Variants in IFT172 observed in about 807,000 individuals in gnomAD.
IFT172 encodes intraflagellar transport protein 172 homolog.
A neutral mutation model predicts 248.9 loss-of-function variants in IFT172; 164 were observed. The observed-to-expected ratio is 0.66, with a 90% CI of 0.58 to 0.75. The LOEUF is 0.75. Ranked by LOEUF, IFT172 falls within the 30% of genes least tolerant of loss-of-function variation. IFT172 has a pLI of 0.00. For missense variants in IFT172, 1,950 were observed against 2,192.4 expected (o/e 0.89, Z 2.21); for synonymous variants, 729 against 791.6 (o/e 0.92, Z 1.33).
Position 27,453,469 on chromosome 2 carries a change from G to T in IFT172, c.3866C>A (p.Ala1289Asp), listed in dbSNP as rs768543764. 3 of 1,614,162 alleles carry T rather than the reference G, an allele frequency of 1.9e-6. No individual in the cohort carries two copies. Among genetic ancestry groups the T allele is most frequent in the Non-Finnish European group, 8.5e-7 (1 of 1,180,024 alleles). The stretch of plus-strand genomic sequence containing the variant: ...GTCCACGGCACGGCTGTACTCTCCA[G>T]CCTGCTCCCAGTGTCGAGCTTGTTC... ...FVEQARHWEQAGEYSRAVDCY... is the reference protein window; with the variant it reads ...FVEQARHWEQDGEYSRAVDCY... Residue 1289 changes from alanine to aspartate, a missense_variant, in exon 35 of 48, where the codon GCT becomes GAT. Physicochemically the swap from Ala to Asp is moderately radical, Grantham distance 126 (BLOSUM62 -2). This residue lies in a region of IFT172 where 620 missense variants were observed against 699.0 expected (regional missense o/e 0.89). Transcript: ENST00000260570.
At chr2:27,446,670 T>C (rs1273460661) in intron 42 of IFT172, among the ~76,000 whole-genome samples, 1 of 144,642 alleles carries the variant, frequency 6.9e-6, no homozygotes, top group African/African-American at 2.6e-5. Context: ...CACATTACCA[T>C]GCCTGGCTAA....
At position 27,465,849 on chromosome 2, in the gene IFT172, T is replaced by C; in HGVS notation, c.1726A>G (p.Lys576Glu). The change falls in exon 17 of 48, where the codon AAG becomes GAG. Residue 576 changes from lysine (K) to glutamate (E), a missense_variant. Physicochemically the swap from Lys to Glu is moderately conservative, Grantham distance 56. Coordinates refer to ENST00000260570, the MANE Select transcript of IFT172 (RefSeq NM_015662.3). ...DVIGLERGGG[K>E]TEVMVMEGVT... ...CCTTCCATCACCATCACCTCGGTCT[T>C]TCCCCCGCCCCGCTCCAGACCTATA... 1 of 1,614,070 alleles carries C rather than the reference T, an allele frequency of 6.2e-7. No individual in the cohort carries two copies. The highest frequency in any genetic ancestry group is 8.5e-7 in the Non-Finnish European group (1 of 1,179,996).
chr2:27,489,584 A>G (rs1669018510), intron 1 of IFT172, 31 bp downstream of exon 1: 1 of 1,575,912 alleles, frequency 6.3e-7, no homozygotes, highest in Non-Finnish European at 8.7e-7. Flanking sequence ...CATAAAGCAT[A>G]AGGGGGAGGG....
At chr2:27,455,622 A>C in intron 30 of IFT172, 1 of 215,322 alleles carries the variant, frequency 4.6e-6, no homozygotes, top group South Asian at 5.9e-5. Context: ...GAGGCAGGAG[A>C]ATGGCTTGAA....
Position 27,449,791 on chromosome 2 carries a change from G to A in IFT172, c.4060C>T (p.Leu1354Phe). 2 of 1,612,016 alleles carry A rather than the reference G, an allele frequency of 1.2e-6. No homozygotes were observed. The highest frequency in any genetic ancestry group is 2.2e-5 in the East Asian group (1 of 44,874). ...GIGKHSAAAE[L>F]YLNLDLVKEA... ...TTGACAAGGTCCAGATTCAGATAGAGCTCTGCAGCCTGCACAGTGGGAAAT... is the reference window on the plus strand; with the variant it reads ...TTGACAAGGTCCAGATTCAGATAGAACTCTGCAGCCTGCACAGTGGGAAAT... Residue 1354 changes from leucine (L) to phenylalanine (F), a missense_variant, in exon 37 of 48, where the codon CTC (leucine) becomes TTC (phenylalanine). Physicochemically the swap from Leu to Phe is conservative, Grantham distance 22. This residue lies in a region of IFT172 where 620 missense variants were observed against 699.0 expected (regional missense o/e 0.89). Transcript: ENST00000260570.
Position 27,445,582 on chromosome 2 carries a change from T to A in IFT172, c.4915-133A>T. ...TTTTAGCCACGAATCCTCCTTGGAT[T>A]GGGGGATGCAGTCACAGCCTTTTCT... On this transcript the variant is annotated intron_variant, in intron 45 of 47. Transcript: ENST00000260570. This position sits in a 1 kb window ranked among gnomAD's most constrained non-coding sequence, Gnocchi z 4.4. 2 of 1,294,472 alleles carry A rather than the reference T, an allele frequency of 1.5e-6. No homozygotes were observed. Among genetic ancestry groups the A allele is most frequent in the African/African-American group, 3.0e-5 (2 of 67,466 alleles). The allele number at this position is 1,294,472 out of a possible 1,614,324, so 80.2% of individuals were successfully genotyped here.
chr2:27,474,959 G>A (rs1196103801), intron 14 of IFT172, among the ~76,000 whole-genome samples: 2 of 152,032 alleles, frequency 1.3e-5, no homozygotes, highest in African/African-American at 4.8e-5. Flanking sequence ...ACAGGCTGAG[G>A]CAAAAATATC....
At chr2:27,474,645 C>T (rs1022178039) in intron 14 of IFT172, among the ~76,000 whole-genome samples, 2 of 151,994 alleles carry the variant, frequency 1.3e-5, no homozygotes, top group African/African-American at 2.4e-5. Context: ...TCCACCTCCC[C>T]GGTTCAAGTG....
Position 27,470,994 on chromosome 2 carries a change from G to T in IFT172, c.1626C>A (p.Asn542Lys). Residue 542 changes from asparagine to lysine, a missense_variant, in exon 16 of 48, where the codon AAC becomes AAA. Coordinates refer to ENST00000260570, the MANE Select transcript of IFT172 (RefSeq NM_015662.3). ...TGTACCATACACACAGACTGTTTCG[G>T]TTCTGAGCTACCAGCACGTCACTTC... ...VPGSDVLVAQ[N>K]RNSLCVWYNI... 6.2e-7 allele frequency: 1 copy of T among 1,613,934 alleles called. No individual in the cohort carries two copies. Among genetic ancestry groups the T allele is most frequent in the Non-Finnish European group, 8.5e-7 (1 of 1,179,972 alleles).
chr2:27,449,373 C>G lies in IFT172; in HGVS notation c.4232G>C (p.Gly1411Ala). Residue 1411 changes from glycine to alanine, a missense_variant, in exon 39 of 48, where the codon GGT (glycine) becomes GCT (alanine). This residue lies in a region of IFT172 where 620 missense variants were observed against 699.0 expected (regional missense o/e 0.89). Transcript: ENST00000260570. ...KNQGKVDSLV[G>A]VDVIAALDLY... ...GTCCAAAGCAGCTATCACATCCACA[C>G]CCACCAGCTGGGTCAATGGAAGACA... The G allele has an allele frequency of 6.2e-7, 1 of 1,614,158 alleles. No individual in the cohort carries two copies. The highest frequency in any genetic ancestry group is 8.5e-7 in the Non-Finnish European group (1 of 1,180,030).
chr2:27,489,438 C>CCTTA (rs1669004657), intron 1 of IFT172, among the ~76,000 whole-genome samples, 177 bp downstream of exon 1: 1 of 152,234 alleles, frequency 6.6e-6, no homozygotes, highest in Non-Finnish European at 1.5e-5. Context: ...AGCTACAAGT[C>CCTTA]CTTAGCCCTG....
chr2:27,460,772 A>G lies in IFT172; in HGVS notation c.2521+243T>C, dbSNP rs547551795. On this transcript the variant is annotated intron_variant, in intron 23 of 47. Coordinates refer to ENST00000260570, the MANE Select transcript of IFT172 (RefSeq NM_015662.3). Reference sequence around the variant, plus strand: ...TTTGAGAAACACCCACAGATGATCAATAAATACTAAGGGAACTCAGAGGCT... The same window carrying G: ...TTTGAGAAACACCCACAGATGATCAGTAAATACTAAGGGAACTCAGAGGCT... Among the ~76,000 whole-genome samples, 656 of 128,078 alleles carry G rather than the reference A, an allele frequency of 5.1e-3. 6 individuals are homozygous for G. The highest frequency in any genetic ancestry group is 0.019 in the African/African-American group (621 of 32,818). The allele number at this position is 128,078 out of a possible 152,430, so 84.0% of individuals were successfully genotyped here.
Position 27,459,809 on chromosome 2 carries a change from C to T in IFT172, c.2542G>A (p.Ala848Thr). The change falls in exon 24 of 48, where the codon GCC becomes ACC. Residue 848 changes from alanine to threonine, a missense_variant. Physicochemically the swap from Ala to Thr is moderately conservative, Grantham distance 58. This residue lies in a region of IFT172 where 1,166 missense variants were observed against 1,254.1 expected (regional missense o/e 0.93). Coordinates refer to ENST00000260570, the MANE Select transcript of IFT172 (RefSeq NM_015662.3). ...FMKAVELARLAFPVEVVKLEE... is the reference protein window; with the variant it reads ...FMKAVELARLTFPVEVVKLEE... ...AGTTTCACCACCTCCACTGGGAAGG[C>T]CAATCGAGCCAGCTCTACCGCTGCC... 4 of 1,612,200 alleles carry T rather than the reference C, an allele frequency of 2.5e-6. No homozygotes were observed. The highest frequency in any genetic ancestry group is 3.4e-6 in the Non-Finnish European group (4 of 1,180,032).
chr2:27,470,823 ATT>A (rs1667508771), intron 16 of IFT172, 103 bp downstream of exon 16: 1 of 1,123,988 alleles, frequency 8.9e-7, no homozygotes, highest in Non-Finnish European at 1.2e-6. Context: ...TATCACAGAG[ATT>A]AAGGGTGGTG....
In IFT172 at chr2:27,445,483, ACAGGG is replaced by A. The variant is rs1278705818; in HGVS notation, c.4915-39_4915-35del. 3 of 1,597,600 alleles carry A rather than the reference ACAGGG, an allele frequency of 1.9e-6. No homozygotes were observed. The highest frequency in any genetic ancestry group is 1.9e-4 in the Middle Eastern group (1 of 5,174). ...GACAAGAAGGGAGTGGTAGCTTCAC[ACAGGG>A]CAGGGCAGGACAAGTTGGGGTGGAT... On this transcript the variant is annotated intron_variant, in intron 45 of 47. Transcript: ENST00000260570. The surrounding 1 kb of genome is among the most constrained non-coding windows in gnomAD (Gnocchi z 4.4).
At position 27,445,323 on chromosome 2, in the gene IFT172, C is replaced by T. The variant is rs763335302; in HGVS notation, c.5041G>A (p.Val1681Ile). Residue 1681 changes from valine to isoleucine, a missense_variant, in exon 46 of 48, where the codon GTT becomes ATT. By Grantham distance (29) the Val-to-Ile change is conservative. Transcript: ENST00000260570. This position sits in a 1 kb window ranked among gnomAD's most constrained non-coding sequence, Gnocchi z 4.4. ...EASLVAASTG[V>I]RALPCLITGY... ...GTAATAAGGCAGGGCAGGGCTCGAA[C>T]ACCAGTGCTCGCTGCCACTAGGGAG... 1.9e-6 allele frequency: 3 copies of T among 1,613,068 alleles called. No individual in the cohort carries two copies. Among genetic ancestry groups the T allele is most frequent in the Non-Finnish European group, 2.5e-6 (3 of 1,179,676 alleles).
intron 8 of IFT172, 48 bp from the exon 9 acceptor site, chr2:27,480,197 G>A: frequency 6.4e-7 from 1 of 1,567,654 alleles, no homozygotes; most frequent in Non-Finnish European, 8.6e-7. Context: ...CTGAGCTAAA[G>A]AGTGCAAATG....
chr2:27,467,264 G>A (rs776718864), intron 16 of IFT172, among the ~76,000 whole-genome samples: 8 of 151,374 alleles, frequency 5.3e-5, no homozygotes, highest in East Asian at 2.0e-4. Flanking sequence ...TTAATGAATC[G>A]AAACAGATCT....
At chr2:27,480,454 C>T (rs1364499540) in intron 8 of IFT172, among the ~76,000 whole-genome samples, 1 of 151,918 alleles carries the variant, frequency 6.6e-6, no homozygotes, top group Non-Finnish European at 1.5e-5. Flanking sequence ...TGGTAGGAGT[C>T]AGTGAAGAAA....
Sources: allele counts gnomAD v4.1 joint callset (sites outside exome capture counted in the v4.1 genomes callset), GRCh38; gene constraint gnomAD v4.1.1; regional missense constraint gnomAD v4.1.1; non-coding constraint Gnocchi (gnomAD v3.1); transcripts MANE v1.5; gene names NCBI Gene and HGNC (gene_info 2026-07-23, HGNC 2026-07-21).